Variants in KCNIP1 observed in about 807,000 individuals in gnomAD.
The protein encoded by KCNIP1 is potassium voltage-gated channel interacting protein 1.
KCNIP1 carries 18 observed loss-of-function variants against 33.0 expected under a neutral mutation model. That is an observed-to-expected ratio of 0.55 (90% CI 0.38 to 0.81). The LOEUF (loss-of-function observed/expected upper bound fraction) is 0.81. Ranked by LOEUF, KCNIP1 falls within the 30% of genes least tolerant of loss-of-function variation. KCNIP1 has a pLI of 0.00. For synonymous variants in KCNIP1, 93 were observed against 98.3 expected (o/e 0.95, Z 0.32); for missense variants, 238 against 271.6 (o/e 0.88, Z 0.87).
intron 1 of KCNIP1, among the ~76,000 whole-genome samples, chr5:170,622,380 G>A (rs569060356): frequency 6.6e-6 from 1 of 152,136 alleles, no homozygotes; most frequent in Non-Finnish European, 1.5e-5. Flanking sequence ...CCAGCACTTT[G>A]GGAGGCTGAG....
At chr5:170,410,738 T>C (rs1273790680) in intron 1 of KCNIP1, among the ~76,000 whole-genome samples, 2 of 152,168 alleles carry the variant, frequency 1.3e-5, no homozygotes, top group East Asian at 1.9e-4. Flanking sequence ...TGGGAAAATA[T>C]AAATTATTTG....
chr5:170,653,308 C>T (rs988177533), intron 1 of KCNIP1, among the ~76,000 whole-genome samples: 1 of 152,102 alleles, frequency 6.6e-6, no homozygotes, highest in African/African-American at 2.4e-5. Flanking sequence ...TTGTTGCTGC[C>T]CAGTGGTGAT....
chr5:170,472,701 TACTTC>T (rs1756764022), intron 1 of KCNIP1, among the ~76,000 whole-genome samples: 1 of 151,990 alleles, frequency 6.6e-6, no homozygotes, highest in African/African-American at 2.4e-5. Context: ...ATTCCTGAGT[TACTTC>T]ACTTAGAATA....
At position 170,426,247 on chromosome 5, in the gene KCNIP1, T is replaced by TCACACACACACACACACA. The variant is rs143211356; in HGVS notation, c.88+72292_88+72309dup. On this transcript the variant is annotated intron_variant, in intron 1 of 7. Transcript: ENST00000377360. ...CTAATGCTTTGTGACTCAAAAGGAA[T>TCACACACACACACACACA]CACACACACACACACACACACACAC... 2.9e-3 allele frequency among the ~76,000 whole-genome samples: 435 copies of TCACACACACACACACACA among 149,258 alleles called. 2 individuals are homozygous for TCACACACACACACACACA. Among genetic ancestry groups the TCACACACACACACACACA allele is most frequent in the Admixed American group, 6.9e-3 (103 of 15,024 alleles).
intron 1 of KCNIP1, among the ~76,000 whole-genome samples, chr5:170,683,910 G>GTGTT (rs1245798645): frequency 3.3e-5 from 5 of 150,050 alleles, no homozygotes; most frequent in African/African-American, 1.2e-4. Flanking sequence ...GTGTGTGTGT[G>GTGTT]TGTGTGTGTG....
At chr5:170,561,218 T>C (rs1163108618) in intron 1 of KCNIP1, 2 of 429,522 alleles carry the variant, frequency 4.7e-6, no homozygotes, top group East Asian at 7.1e-5. Context: ...TAAATGTCAA[T>C]TAGAAAGTCC....
chr5:170,601,914 G>A (rs541945587), intron 1 of KCNIP1, among the ~76,000 whole-genome samples: 1 of 152,320 alleles, frequency 6.6e-6, no homozygotes, highest in East Asian at 1.9e-4. Context: ...GGGGAATGGA[G>A]CAGGCAGCAG....
intron 1 of KCNIP1, among the ~76,000 whole-genome samples, chr5:170,686,572 C>T (rs1762542597): frequency 6.6e-6 from 1 of 152,232 alleles, no homozygotes; most frequent in Non-Finnish European, 1.5e-5. Context: ...AGGCAGACCA[C>T]AGCAGCCCAC....
At position 170,722,818 on chromosome 5, in the gene KCNIP1, G is replaced by C; in HGVS notation, c.433G>C (p.Glu145Gln). The C allele has an allele frequency of 1.2e-6, 2 of 1,603,688 alleles. No individual in the cohort carries two copies. The highest frequency in any genetic ancestry group is 1.7e-6 in the Non-Finnish European group (2 of 1,170,716). Reference protein sequence around the residue: ...DINKDGYINKEEMMDIVKAIY... With the variant: ...DINKDGYINKQEMMDIVKAIY... ...CAACAAGGACGGATACATAAACAAA[G>C]AGGTAAGTGAGCTGGGGCCAGGGGT... The change falls in exon 5 of 8, where the codon GAG becomes CAG. Residue 145 changes from glutamate to glutamine, a missense_variant and splice_region_variant. Glu to Gln is a conservative substitution (Grantham distance 29). Coordinates refer to ENST00000328939, the MANE Select transcript of KCNIP1 (RefSeq NM_014592.4).
chr5:170,436,598 G>A (rs1368712882), intron 1 of KCNIP1, among the ~76,000 whole-genome samples: 6 of 152,190 alleles, frequency 3.9e-5, no homozygotes, highest in Non-Finnish European at 7.3e-5. Context: ...ATTGCATTTC[G>A]ACAAGTTCCC....
At chr5:170,576,979 G>A (rs545432574) in intron 1 of KCNIP1, among the ~76,000 whole-genome samples, 30 of 152,344 alleles carry the variant, frequency 2.0e-4, no homozygotes, top group Admixed American at 4.6e-4. Context: ...CCCAGCAGGG[G>A]TCTCTTGCAA....
chr5:170,598,629 G>A (rs918468899), intron 1 of KCNIP1, among the ~76,000 whole-genome samples: 1 of 152,166 alleles, frequency 6.6e-6, no homozygotes, highest in Non-Finnish European at 1.5e-5. Context: ...CAAAGACACA[G>A]AGGAGCTGGT....
At chr5:170,449,896 T>TA (rs1756205948) in intron 1 of KCNIP1, among the ~76,000 whole-genome samples, 1 of 152,094 alleles carries the variant, frequency 6.6e-6, no homozygotes, top group Non-Finnish European at 1.5e-5. Context: ...GGAAAAATTA[T>TA]AAAAATTATA....
intron 1 of KCNIP1, among the ~76,000 whole-genome samples, chr5:170,579,720 G>T (rs1385685593): frequency 6.6e-6 from 1 of 152,100 alleles, no homozygotes; most frequent in Non-Finnish European, 1.5e-5. Context: ...CCAATCTAGG[G>T]GCTCCTTATC....
At chr5:170,429,047 C>T (rs886979671) in intron 1 of KCNIP1, among the ~76,000 whole-genome samples, 11 of 152,046 alleles carry the variant, frequency 7.2e-5, no homozygotes, top group South Asian at 2.1e-4. Context: ...GCCGAGATCG[C>T]GCCACTGCAC....
intron 1 of KCNIP1, among the ~76,000 whole-genome samples, chr5:170,621,249 G>T (rs1759590425): frequency 6.6e-6 from 1 of 152,192 alleles, no homozygotes; most frequent in Admixed American, 6.5e-5. Context: ...GACCCTGTAG[G>T]CCAGTAGGCA....
At chr5:170,543,068 T>C (rs1367561972) in intron 1 of KCNIP1, among the ~76,000 whole-genome samples, 1 of 152,236 alleles carries the variant, frequency 6.6e-6, no homozygotes, top group Non-Finnish European at 1.5e-5. Flanking sequence ...CTGTTAGGCC[T>C]CTTTTGTAAG....
chr5:170,488,108 G>T (rs1757135876), intron 1 of KCNIP1, among the ~76,000 whole-genome samples: 1 of 152,180 alleles, frequency 6.6e-6, no homozygotes. Context: ...ATAGCCTTTA[G>T]CAAAAGATAT....
At chr5:170,669,302 T>C (rs1478122823) in intron 1 of KCNIP1, among the ~76,000 whole-genome samples, 1 of 152,222 alleles carries the variant, frequency 6.6e-6, no homozygotes, top group Non-Finnish European at 1.5e-5. Flanking sequence ...GACCTCAGTT[T>C]TACCTCTTGA....
Sources: allele counts gnomAD v4.1 joint callset (sites outside exome capture counted in the v4.1 genomes callset), GRCh38; gene constraint gnomAD v4.1.1; transcripts MANE v1.5; gene names NCBI Gene and HGNC (gene_info 2026-07-23, HGNC 2026-07-21).